POTEC: variants seen among roughly 807,000 people sequenced by gnomAD.
POTEC encodes the protein POTE ankyrin domain family member C.
A neutral mutation model predicts 62.0 loss-of-function variants in POTEC; 35 were observed. The ratio of observed to expected loss-of-function variants is 0.56; its 90% CI spans 0.43 to 0.75. The LOEUF (loss-of-function observed/expected upper bound fraction) is 0.75, where lower values mean the gene tolerates loss of function less well. POTEC is among the 30% of genes least tolerant of loss of function. POTEC has a pLI of 0.00. For synonymous variants in POTEC, 156 were observed against 221.5 expected, an observed-to-expected ratio of 0.70 and a Z score of 2.62; for missense variants, 472 against 655.9, an observed-to-expected ratio of 0.72 and a Z score of 3.06.
At position 14,524,895 on chromosome 18, in the gene POTEC, ATT is replaced by A. The variant is rs1910397253; in HGVS notation, c.1197+16_1197+17del. On this transcript the variant is annotated intron_variant, in intron 7 of 10. Coordinates refer to ENST00000358970, the MANE Select transcript of POTEC (RefSeq NM_001137671.2). ...AAACAACATTAAATCAAAAATTTAA[ATT>A]TAAAATTTTCCATGCCTCTGGCTGG... 6.2e-7 allele frequency: 1 copy of A among 1,604,170 alleles called. No individual in the cohort carries two copies. The highest frequency in any genetic ancestry group is 1.3e-5 in the African/African-American group (1 of 74,338).
intron 5 of POTEC, chr18:14,531,619 C>A (rs1362935390): frequency 6.6e-6 from 1 of 151,832 alleles, no homozygotes; most frequent in African/African-American, 2.4e-5. Flanking sequence ...TGCTTTGATT[C>A]ACACTGTTTC....
At chr18:14,531,254 T>TA (rs1905504410) in intron 5 of POTEC, among the ~76,000 whole-genome samples, 1 of 151,072 alleles carries the variant, frequency 6.6e-6, no homozygotes, top group South Asian at 2.1e-4. Context: ...TGTCCACTAT[T>TA]ACGGAGTTGA....
In POTEC at chr18:14,508,353, A is replaced by G. The variant is rs1268135451; in HGVS notation, c.*3545T>C. The stretch of plus-strand genomic sequence containing the variant: ...TGGGATTCTTTCCTCTTCTTGGTCT[A>G]TTCTGTTAGATGGTCTTGCACATGA... On this transcript the variant is annotated 3_prime_UTR_variant, in exon 11 of 11. Coordinates refer to ENST00000358970, the MANE Select transcript of POTEC (RefSeq NM_001137671.2). The G allele has an allele frequency of 6.6e-6, 1 of 152,394 alleles. No homozygotes were observed. The highest frequency in any genetic ancestry group is 1.5e-5 in the Non-Finnish European group (1 of 68,022). 9.4% of individuals were successfully genotyped at this position (152,394 alleles called of 1,614,324 possible).
chr18:14,537,580 A>T (rs73960831), intron 3 of POTEC, among the ~76,000 whole-genome samples: 159 of 152,190 alleles, frequency 1.0e-3, no homozygotes, highest in East Asian at 8.1e-3. Context: ...TGTTTTTTTT[A>T]AAAAAGCATT....
In POTEC at chr18:14,543,086, T is replaced by G. The variant is rs1284448131; in HGVS notation, c.61A>C (p.Arg21=). The G allele has an allele frequency of 6.2e-7, 1 of 1,613,846 alleles. No homozygotes were observed. Among genetic ancestry groups the G allele is most frequent in the Admixed American group, 1.7e-5 (1 of 60,008 alleles). Residue 21 remains arginine, a synonymous_variant, in exon 1 of 11, where the codon AGG becomes CGG. Coordinates refer to ENST00000358970, the MANE Select transcript of POTEC (RefSeq NM_001137671.2). The part of the protein sequence containing the change: ...ASAVKKPFDL[R]SKMGKWFHHR... ...TGAAACCACTTGCCCATCTTGCTCC[T>G]GAGATCGAATGGCTTCTTCACAGCA...
rs1906007098 is a variant in POTEC, at chr18:14,542,995, T to C, written c.152A>G (p.Asp51Gly). 1 of 1,609,064 alleles carries C rather than the reference T, an allele frequency of 6.2e-7. No homozygotes were observed. Among genetic ancestry groups the C allele is most frequent in the African/African-American group, 1.4e-5 (1 of 72,926 alleles). Residue 51 changes from aspartate to glycine, a missense_variant, in exon 1 of 11, where the codon GAC (aspartate) becomes GGC (glycine). Physicochemically the swap from Asp to Gly is moderately conservative, Grantham distance 94. This residue lies in a region of POTEC where 257 missense variants were observed against 250.7 expected (regional missense o/e 1.03). Transcript: ENST00000358970. ...GCTCCTGAGCATCTTCATAAAGGAG[T>C]CGTCGTGGTCTCCAGAAGTGCCCAT... Reference protein sequence around the residue: ...SNMGTSGDHDDSFMKMLRSKM... With the variant: ...SNMGTSGDHDGSFMKMLRSKM...
At position 14,514,009 on chromosome 18, in the gene POTEC, G is replaced by A. The variant is rs1005606125; in HGVS notation, c.1410-224C>T. On this transcript the variant is annotated intron_variant, in intron 9 of 10. Coordinates refer to ENST00000358970, the MANE Select transcript of POTEC (RefSeq NM_001137671.2). ...TTCCATGGACCTGAGGTGGGGGATG[G>A]TTCCAGGATGATTCAAGCACATTAC... Among the ~76,000 whole-genome samples, 56 of 151,748 alleles carry A rather than the reference G, an allele frequency of 3.7e-4. 2 individuals are homozygous for A. The highest frequency in any genetic ancestry group is 3.4e-3 in the Middle Eastern group (1 of 294).
In POTEC at chr18:14,513,671, C is replaced by A. The variant is rs759282411; in HGVS notation, c.1524G>T (p.Met508Ile). The A allele has an allele frequency of 5.0e-6, 8 of 1,611,720 alleles. No homozygotes were observed. The Admixed American group carries it at 5.0e-5, about 10-fold the overall frequency. Reference sequence around the variant, plus strand: ...TGACTAAAGAAAATACCTCAGAATTCATTTTCTTTTCAGCCACTTCTATCT... The same window carrying A: ...TGACTAAAGAAAATACCTCAGAATTAATTTTCTTTTCAGCCACTTCTATCT... ...QKQIEVAEKK[M>I]NSELSLSHKK... The change falls in exon 10 of 11, where the codon ATG becomes ATT. Residue 508 changes from methionine (M) to isoleucine (I), a missense_variant. This residue lies in a region of POTEC where 67 missense variants were observed against 58.3 expected (regional missense o/e 1.15). Coordinates refer to ENST00000358970, the MANE Select transcript of POTEC (RefSeq NM_001137671.2).
chr18:14,507,640 T>C lies in POTEC; in HGVS notation c.*4258A>G, dbSNP rs1249657101. ...TCATCATGCTGTCAGCTGGCTCTTT[T>C]GCAGACTTATGTATGTGGTTGGTTT... On this transcript the variant is annotated 3_prime_UTR_variant, in exon 11 of 11. Transcript: ENST00000358970. The C allele has an allele frequency of 6.6e-6, 1 of 152,160 alleles. No homozygotes were observed. Among genetic ancestry groups the C allele is most frequent in the Non-Finnish European group, 1.5e-5 (1 of 68,028 alleles). 9.4% of individuals were successfully genotyped at this position (152,160 alleles called of 1,614,324 possible).
Position 14,530,423 on chromosome 18 carries a change from C to T in POTEC, c.1126+60G>A. The T allele has an allele frequency of 1.9e-6, 3 of 1,598,370 alleles. No homozygotes were observed. In the South Asian group the frequency reaches 3.3e-5, roughly 18 times the overall value. On this transcript the variant is annotated intron_variant, in intron 6 of 10. Coordinates refer to ENST00000358970, the MANE Select transcript of POTEC (RefSeq NM_001137671.2). ...AACACTGTCTTCCACAAAACTGGTC[C>T]CTGCTGCCAAAAACATTGTGGACAA...
chr18:14,541,621 GGAGT>G (rs1905935627), intron 1 of POTEC, among the ~76,000 whole-genome samples: 1 of 152,154 alleles, frequency 6.6e-6, no homozygotes, highest in South Asian at 2.1e-4. Flanking sequence ...CCTGGGCCAT[GGAGT>G]GAGAGTCTGT....
chr18:14,535,031 A>C (rs1567914784), intron 3 of POTEC, 24 bp from the exon 4 acceptor site: 4 of 1,587,838 alleles, frequency 2.5e-6, no homozygotes, highest in South Asian at 1.1e-5. Flanking sequence ...TAAAACAAAA[A>C]CAATATGTAA....
chr18:14,515,649 T>C (rs1345537821), intron 9 of POTEC, among the ~76,000 whole-genome samples: 15 of 38,622 alleles, frequency 3.9e-4, no homozygotes, highest in African/African-American at 1.3e-3. Context: ...TAAAAATAAA[T>C]AAACAAATAA....
At position 14,543,188 on chromosome 18, in the gene POTEC, T is replaced by G. The variant is rs1264799767; in HGVS notation, c.-42A>C. The G allele has an allele frequency of 3.7e-6, 6 of 1,612,100 alleles. No individual in the cohort carries two copies. Among genetic ancestry groups the G allele is most frequent in the Non-Finnish European group, 4.2e-6 (5 of 1,179,028 alleles). On this transcript the variant is annotated 5_prime_UTR_variant, in exon 1 of 11. Coordinates refer to ENST00000358970, the MANE Select transcript of POTEC (RefSeq NM_001137671.2). ...GGGGAGGCCGGTAGTAGCGAACAGATCGCGTCTACCAACCAGTTTCACCAA... is the reference window on the plus strand; with the variant it reads ...GGGGAGGCCGGTAGTAGCGAACAGAGCGCGTCTACCAACCAGTTTCACCAA...
At chr18:14,530,285 T>C (rs1905462735) in intron 6 of POTEC, among the ~76,000 whole-genome samples, 198 bp downstream of exon 6, 1 of 152,064 alleles carries the variant, frequency 6.6e-6, no homozygotes, top group Admixed American at 6.6e-5. Flanking sequence ...TTATAGTAAG[T>C]TGTATAATTA....
chr18:14,515,183 C>T (rs1193925939), intron 9 of POTEC, among the ~76,000 whole-genome samples: 2 of 152,120 alleles, frequency 1.3e-5, no homozygotes, highest in African/African-American at 4.8e-5. Flanking sequence ...TGTCATTCTT[C>T]ACAGAGTTAT....
At chr18:14,526,993 A>G (rs536420796) in intron 6 of POTEC, among the ~76,000 whole-genome samples, 5 of 152,270 alleles carry the variant, frequency 3.3e-5, no homozygotes, top group South Asian at 2.1e-4. Flanking sequence ...CAATTCTATA[A>G]TAAGTCATAG....
At chr18:14,526,236 C>T (rs1167988678) in intron 6 of POTEC, among the ~76,000 whole-genome samples, 2 of 152,146 alleles carry the variant, frequency 1.3e-5, no homozygotes, top group Admixed American at 6.5e-5. Flanking sequence ...GGGAAGTCTT[C>T]CTTGATTCTG....
chr18:14,511,132 A>G lies in POTEC; in HGVS notation c.*766T>C, dbSNP rs1198952029. On this transcript the variant is annotated 3_prime_UTR_variant, in exon 11 of 11. Coordinates refer to ENST00000358970, the MANE Select transcript of POTEC (RefSeq NM_001137671.2). The stretch of plus-strand genomic sequence containing the variant: ...CAGGCCAGAAGGGCTAGTTGCCCAA[A>G]CAACAAAGGTCATGGCCCACCCCTC... 1 of 151,574 alleles carries G rather than the reference A, an allele frequency of 6.6e-6. No individual in the cohort carries two copies. The highest frequency in any genetic ancestry group is 1.5e-5 in the Non-Finnish European group (1 of 67,980). 9.4% of individuals were successfully genotyped at this position (151,574 alleles called of 1,614,324 possible). A position where few individuals can be genotyped will look rare whatever the true frequency, so the allele number is the denominator to read the frequency against.
Sources: allele counts gnomAD v4.1 joint callset (sites outside exome capture counted in the v4.1 genomes callset), GRCh38; gene constraint gnomAD v4.1.1; regional missense constraint gnomAD v4.1.1; transcripts MANE v1.5; gene names NCBI Gene and HGNC (gene_info 2026-07-23, HGNC 2026-07-21).